The following FASTKD5 variants were observed in gnomAD, a reference collection of about 807,000 sequenced individuals.
FASTKD5 encodes non-canonical pre-mRNAs endonuclease FASTKD5, mitochondrial.
In FASTKD5, 30 loss-of-function variants were observed where a neutral mutation model predicts 44.0. The observed-to-expected ratio is 0.68, with a 90% CI of 0.51 to 0.93. The LOEUF (loss-of-function observed/expected upper bound fraction) is 0.93. Ranked by LOEUF, FASTKD5 falls within the 40% of genes least tolerant of loss-of-function variation. The pLI, the probability that FASTKD5 is intolerant of heterozygous loss-of-function variation, is 0.00. For missense variants in FASTKD5, 868 were observed against 908.2 expected (o/e 0.96, Z 0.57); for synonymous variants, 335 against 342.2 (o/e 0.98, Z 0.23).
rs765879636 is a variant in FASTKD5, at chr20:3,146,890, C to T, written c.2181G>A (p.Arg727=). ...ATAACTCTACCACACGGTAGCCAAGCCGAGCCAGCTGCCGCCTCTTCATAT... is the reference window on the plus strand; with the variant it reads ...ATAACTCTACCACACGGTAGCCAAGTCGAGCCAGCTGCCGCCTCTTCATAT... ...LHNMKRRQLA[R]LGYRVVELSY... The change falls in exon 2 of 2, where the codon CGG becomes CGA. Residue 727 remains arginine (R), a synonymous_variant. Coordinates refer to ENST00000380266, the MANE Select transcript of FASTKD5 (RefSeq NM_021826.5). 20 of 1,614,090 alleles carry T rather than the reference C, an allele frequency of 1.2e-5. 1 individual carries two copies. Among genetic ancestry groups the T allele is most frequent in the Middle Eastern group, 3.3e-4 (2 of 6,084 alleles).
chr20:3,155,052 C>CA (rs11326176), intron 1 of FASTKD5, among the ~76,000 whole-genome samples: 1,235 of 95,990 alleles, frequency 0.013, 10 homozygotes, highest in South Asian at 0.042. Flanking sequence ...GACACAGTCT[C>CA]AAAAAAAAAA....
Position 3,149,529 on chromosome 20 carries a change from G to A in FASTKD5, c.-190-269C>T, listed in dbSNP as rs2145222. Among the ~76,000 whole-genome samples the A allele has an allele frequency of 0.76, 115,689 of 152,100 alleles. 45,282 individuals carry two copies. The highest frequency in any genetic ancestry group is 0.99 in the East Asian group (5,128 of 5,168). Reference sequence around the variant, plus strand: ...TTCACTGTACAAGGCAAGCAGTGACGGCTAAAGAAGAGACGGTGCTCCGCT... The same window carrying A: ...TTCACTGTACAAGGCAAGCAGTGACAGCTAAAGAAGAGACGGTGCTCCGCT... On this transcript the variant is annotated intron_variant, in intron 1 of 1. Coordinates refer to ENST00000380266, the MANE Select transcript of FASTKD5 (RefSeq NM_021826.5). This position sits in a 1 kb window ranked among gnomAD's most constrained non-coding sequence, Gnocchi z 4.1.
chr20:3,159,108 T>A (rs1305371990), intron 1 of FASTKD5, among the ~76,000 whole-genome samples: 1 of 152,006 alleles, frequency 6.6e-6, no homozygotes, highest in Non-Finnish European at 1.5e-5. Flanking sequence ...TGTGTCACGG[T>A]TTGCACAGAA....
chr20:3,147,124 C>T lies in FASTKD5; in HGVS notation c.1947G>A (p.Glu649=), dbSNP rs745315738. 1.9e-6 allele frequency: 3 copies of T among 1,613,838 alleles called. No individual in the cohort carries two copies. ...RGHFQGKTES[E]PGQQPMELEN... ...CCAACTCCATGGGCTGCTGCCCAGGCTCTGACTCAGTTTTGCCCTGGAAAT... is the reference window on the plus strand; with the variant it reads ...CCAACTCCATGGGCTGCTGCCCAGGTTCTGACTCAGTTTTGCCCTGGAAAT... Residue 649 remains glutamate (E), a synonymous_variant, in exon 2 of 2, where the codon GAG becomes GAA. Coordinates refer to ENST00000380266, the MANE Select transcript of FASTKD5 (RefSeq NM_021826.5).
Position 3,149,038 on chromosome 20 carries a change from T to C in FASTKD5, c.33A>G (p.Val11=), listed in dbSNP as rs1251735283. ...AAGGACTGCAAAATGCTCGGTATCT[T>C]ACAAGTTTTAATGACTTGAGAGTAG... The part of the protein sequence containing the change: MAATLKSLKL[V]RYRAFCSPSA... Residue 11 remains valine (V), a synonymous_variant, in exon 2 of 2, where the codon GTA becomes GTG. Coordinates refer to ENST00000380266, the MANE Select transcript of FASTKD5 (RefSeq NM_021826.5). This position sits in a 1 kb window ranked among gnomAD's most constrained non-coding sequence, Gnocchi z 4.1. 18 of 1,613,560 alleles carry C rather than the reference T, an allele frequency of 1.1e-5. No individual in the cohort carries two copies. Among genetic ancestry groups the C allele is most frequent in the Non-Finnish European group, 1.5e-5 (18 of 1,179,710 alleles).
At position 3,148,658 on chromosome 20, in the gene FASTKD5, A is replaced by G. The variant is rs1220236980; in HGVS notation, c.413T>C (p.Leu138Pro). 1 of 1,614,062 alleles carries G rather than the reference A, an allele frequency of 6.2e-7. No individual in the cohort carries two copies. Among genetic ancestry groups the G allele is most frequent in the Non-Finnish European group, 8.5e-7 (1 of 1,180,030 alleles). Residue 138 changes from leucine (L) to proline (P), a missense_variant, in exon 2 of 2, where the codon CTC becomes CCC. Transcript: ENST00000380266. Reference sequence around the variant, plus strand: ...TAGTTCACCTTCTGAAACAGACAGGAGCTGAGAAGTCTCAGATGCATTATA... The same window carrying G: ...TAGTTCACCTTCTGAAACAGACAGGGGCTGAGAAGTCTCAGATGCATTATA... The part of the protein sequence containing the change: ...HSYNASETSQ[L>P]LSVSEGELIL...
Position 3,148,115 on chromosome 20 carries a change from C to T in FASTKD5, c.956G>A (p.Gly319Asp). 5 of 1,614,028 alleles carry T rather than the reference C, an allele frequency of 3.1e-6. No individual in the cohort carries two copies. Among genetic ancestry groups the T allele is most frequent in the Non-Finnish European group, 3.4e-6 (4 of 1,180,012 alleles). The change falls in exon 2 of 2, where the codon GGT (glycine) becomes GAT (aspartate). Residue 319 changes from glycine (G) to aspartate (D), a missense_variant. By Grantham distance (94) the Gly-to-Asp change is moderately conservative. Coordinates refer to ENST00000380266, the MANE Select transcript of FASTKD5 (RefSeq NM_021826.5). ...YIDLINLEEV[G>D]TICLGFFKSS... is the part of the protein sequence containing the mutation. ...TTTAAAGAACCCCAAACAGATGGTA[C>T]CAACCTCCTCCAAATTGATCAAATC...
In FASTKD5 at chr20:3,148,825, C is replaced by CT. The variant is rs1182976511; in HGVS notation, c.245dup (p.Thr83AspfsTer5). 2 of 1,614,118 alleles carry CT rather than the reference C, an allele frequency of 1.2e-6. No homozygotes were observed. Among genetic ancestry groups the CT allele is most frequent in the Non-Finnish European group, 1.7e-6 (2 of 1,180,050 alleles). ...ATGTACTGGCCTTAGAGGAAGAAGTCTTGCTGAATTCCAAACCTGGGTGGG... is the reference window on the plus strand; with the variant it reads ...ATGTACTGGCCTTAGAGGAAGAAGTCTTTGCTGAATTCCAAACCTGGGTGGG... On this transcript the variant is annotated frameshift_variant, in exon 2 of 2. Transcript: ENST00000380266. LOFTEE classifies it high-confidence loss of function.
At position 3,146,589 on chromosome 20, in the gene FASTKD5, T is replaced by C; in HGVS notation, c.*187A>G. On this transcript the variant is annotated 3_prime_UTR_variant, in exon 2 of 2. Transcript: ENST00000380266. ...GTAACATGTATACATTTGCAGTAAT[T>C]TGTACAATCCAACTACATTACAATT... 1.6e-6 allele frequency: 1 copy of C among 627,584 alleles called. No homozygotes were observed. 38.9% of individuals were successfully genotyped at this position (627,584 alleles called of 1,614,324 possible).
chr20:3,158,191 G>C (rs769185221), intron 1 of FASTKD5, among the ~76,000 whole-genome samples: 1 of 151,778 alleles, frequency 6.6e-6, no homozygotes, highest in Non-Finnish European at 1.5e-5. Context: ...GGTTGGTCTC[G>C]AACTCCTGGG....
intron 1 of FASTKD5, among the ~76,000 whole-genome samples, chr20:3,159,479 T>G (rs1017488534): frequency 1.3e-5 from 2 of 152,176 alleles, no homozygotes; most frequent in Admixed American, 1.3e-4. Flanking sequence ...AACAGCACCG[T>G]GAGACAAGTA....
rs761490417 is a variant in FASTKD5, at chr20:3,148,968, T to C, written c.103A>G (p.Ser35Gly). The change falls in exon 2 of 2, where the codon AGC becomes GGC. Residue 35 changes from serine (S) to glycine (G), a missense_variant. By Grantham distance (56) the Ser-to-Gly change is moderately conservative. Transcript: ENST00000380266. Reference sequence around the variant, plus strand: ...GGGTCCTGTCCCCCATGCTGTGTGCTGCTCACATTCCAGTATGACACACTT... The same window carrying C: ...GGGTCCTGTCCCCCATGCTGTGTGCCGCTCACATTCCAGTATGACACACTT... ...VRSVSYWNVS[S>G]TQHGGQDPPE... 6.2e-7 allele frequency: 1 copy of C among 1,614,230 alleles called. No homozygotes were observed. The highest frequency in any genetic ancestry group is 1.1e-5 in the South Asian group (1 of 91,084).
chr20:3,149,061 T>C lies in FASTKD5; in HGVS notation c.10A>G (p.Thr4Ala), dbSNP rs773068491. 10 of 1,609,882 alleles carry C rather than the reference T, an allele frequency of 6.2e-6. No individual in the cohort carries two copies. The East Asian group carries it at 6.7e-5, about 11-fold the overall frequency. MAA[T>A]LKSLKLVRYR... ...CTTACAAGTTTTAATGACTTGAGAG[T>C]AGCTGCCATTCTGGTGTCAGTATTG... Residue 4 changes from threonine to alanine, a missense_variant, in exon 2 of 2, where the codon ACT becomes GCT. By Grantham distance (58) the Thr-to-Ala change is moderately conservative. Transcript: ENST00000380266. This position sits in a 1 kb window ranked among gnomAD's most constrained non-coding sequence, Gnocchi z 4.1.
chr20:3,148,096 G>A lies in FASTKD5; in HGVS notation c.975C>T (p.Phe325=). ...LEEVGTICLG[F]FKSSTNLSEF... is the part of the protein sequence containing the mutation. ...CAGAGAGATTAGTACTTGATTTAAA[G>A]AACCCCAAACAGATGGTACCAACCT... Residue 325 remains phenylalanine (F), a synonymous_variant, in exon 2 of 2, where the codon TTC becomes TTT. Coordinates refer to ENST00000380266, the MANE Select transcript of FASTKD5 (RefSeq NM_021826.5). 1 of 1,614,078 alleles carries A rather than the reference G, an allele frequency of 6.2e-7. No homozygotes were observed. Among genetic ancestry groups the A allele is most frequent in the Non-Finnish European group, 8.5e-7 (1 of 1,180,014 alleles).
Position 3,146,781 on chromosome 20 carries a change from GA to G in FASTKD5, c.2289del (p.Leu764SerfsTer36), listed in dbSNP as rs1270343522. ...AFLHEKVFTSAL is the reference protein window; with the variant it reads ...AFLHEKVFTSXL ...GAAATGCCCCTAAATGCCCTTCAGA[GA>G]GCAGAGGTGAATACTTTCTCATGAA... is the stretch of plus-strand genomic sequence containing the variant. On this transcript the variant is annotated frameshift_variant, in exon 2 of 2. Transcript: ENST00000380266. LOFTEE classifies it high-confidence loss of function. 6.2e-7 allele frequency: 1 copy of G among 1,612,998 alleles called. No homozygotes were observed. The highest frequency in any genetic ancestry group is 1.3e-5 in the African/African-American group (1 of 74,912).
chr20:3,146,642 G>T lies in FASTKD5; in HGVS notation c.*134C>A. The T allele has an allele frequency of 9.7e-7, 1 of 1,035,796 alleles. No individual in the cohort carries two copies. The highest frequency in any genetic ancestry group is 1.4e-6 in the Non-Finnish European group (1 of 700,724). The allele number at this position is 1,035,796 out of a possible 1,614,324, so 64.2% of individuals were successfully genotyped here. ...CAGTAACATACACTAGCTCTAACCTGCCTTGGATACAATTAAGTCTCCTCA... is the reference window on the plus strand; with the variant it reads ...CAGTAACATACACTAGCTCTAACCTTCCTTGGATACAATTAAGTCTCCTCA... On this transcript the variant is annotated 3_prime_UTR_variant, in exon 2 of 2. Transcript: ENST00000380266.
At chr20:3,159,442 C>A (rs1486924435) in intron 1 of FASTKD5, among the ~76,000 whole-genome samples, 3 of 152,208 alleles carry the variant, frequency 2.0e-5, no homozygotes, top group African/African-American at 4.8e-5. Flanking sequence ...ATGAGAGGCG[C>A]GGCAGAATAT....
chr20:3,158,197 C>T (rs1438443499), intron 1 of FASTKD5, among the ~76,000 whole-genome samples: 2 of 152,116 alleles, frequency 1.3e-5, no homozygotes, highest in Non-Finnish European at 2.9e-5. Flanking sequence ...TCTCGAACTC[C>T]TGGGCTCAAG....
chr20:3,153,282 C>A (rs1370227830), intron 1 of FASTKD5, among the ~76,000 whole-genome samples: 1 of 152,220 alleles, frequency 6.6e-6, no homozygotes, highest in African/African-American at 2.4e-5. Flanking sequence ...TCATGTGACA[C>A]TTTTTGATTT....
Sources: allele counts gnomAD v4.1 joint callset (sites outside exome capture counted in the v4.1 genomes callset), GRCh38; gene constraint gnomAD v4.1.1; non-coding constraint Gnocchi (gnomAD v3.1); transcripts MANE v1.5; gene names NCBI Gene and HGNC (gene_info 2026-07-23, HGNC 2026-07-21).